NLGN4X: variants seen among roughly 807,000 people sequenced by gnomAD.
The protein encoded by NLGN4X is neuroligin 4 X-linked.
In NLGN4X, 3 loss-of-function variants were observed where a neutral mutation model predicts 40.3. That is an observed-to-expected ratio of 0.07 (90% CI 0.03 to 0.19). NLGN4X has a LOEUF of 0.19. Among genes scored for constraint, NLGN4X ranks in the 10% least tolerant of loss-of-function variants. The probability of loss-of-function intolerance (pLI) is 1.00; values close to 1 mark genes in which losing one functional copy is unlikely to be tolerated. For missense variants in NLGN4X, 382 were observed against 708.3 expected (o/e 0.54, Z 5.23); for synonymous variants, 270 against 306.8 (o/e 0.88, Z 1.25).
chrX:6,158,841 A>G (rs11094995), intron 1 of NLGN4X, among the ~76,000 whole-genome samples: 8,754 of 111,235 alleles, frequency 0.079, 250 homozygotes, highest in East Asian at 0.16. Flanking sequence ...TCCCTCCCCC[A>G]TGTGTCCATG....
intron 3 of NLGN4X, among the ~76,000 whole-genome samples, chrX:5,949,355 A>T (rs2034231758): frequency 8.9e-6 from 1 of 111,917 alleles, no homozygotes; most frequent in Non-Finnish European, 1.9e-5. Flanking sequence ...TCAGAAAAAC[A>T]GACTGCTGTG....
At chrX:6,154,428 A>C (rs1176295758) in intron 1 of NLGN4X, among the ~76,000 whole-genome samples, 1 of 110,944 alleles carries the variant, frequency 9.0e-6, no homozygotes, top group Non-Finnish European at 1.9e-5. Flanking sequence ...GAAGATATCA[A>C]TATTTATTAT....
At chrX:5,944,170 C>T (rs1302441555) in intron 3 of NLGN4X, among the ~76,000 whole-genome samples, 1 of 111,633 alleles carries the variant, frequency 9.0e-6, no homozygotes, top group East Asian at 2.8e-4. Context: ...CAGTAGTATT[C>T]TAAAATTCTT....
At chrX:5,925,158 C>T (rs1213938312) in intron 3 of NLGN4X, among the ~76,000 whole-genome samples, 1 of 111,863 alleles carries the variant, frequency 8.9e-6, no homozygotes, top group Non-Finnish European at 1.9e-5. Flanking sequence ...TTTCTACACT[C>T]ATCAACCACA....
At chrX:6,222,183 A>G (rs1450158983) in intron 1 of NLGN4X, among the ~76,000 whole-genome samples, 1 of 111,174 alleles carries the variant, frequency 9.0e-6, no homozygotes, top group Non-Finnish European at 1.9e-5. Context: ...CAAAGCATAC[A>G]AACAACCAAA....
At chrX:6,200,460 G>T (rs12557380) in intron 1 of NLGN4X, among the ~76,000 whole-genome samples, 1 of 110,280 alleles carries the variant, frequency 9.1e-6, no homozygotes, top group Non-Finnish European at 1.9e-5. Flanking sequence ...TGGGATGAAG[G>T]TGGAGAAGTG....
chrX:6,036,558 A>G (rs2037009624), intron 2 of NLGN4X, among the ~76,000 whole-genome samples: 1 of 109,825 alleles, frequency 9.1e-6, no homozygotes, highest in African/African-American at 3.3e-5. Context: ...AAGATTCAGG[A>G]AAAACAATTT....
intron 5 of NLGN4X, among the ~76,000 whole-genome samples, chrX:5,898,314 CCCT>C (rs2031638027): frequency 2.0e-5 from 2 of 99,908 alleles, no homozygotes; most frequent in African/African-American, 7.4e-5. Flanking sequence ...CTCCCTCCCT[CCCT>C]CCTTCCCTCC....
chrX:6,051,638 C>T (rs1180457939), intron 2 of NLGN4X, among the ~76,000 whole-genome samples: 1 of 111,157 alleles, frequency 9.0e-6, no homozygotes, highest in Non-Finnish European at 1.9e-5. Context: ...ACCATGCCAA[C>T]ACCTTGATTT....
At chrX:6,135,738 A>T (rs2039802529) in intron 2 of NLGN4X, among the ~76,000 whole-genome samples, 1 of 111,721 alleles carries the variant, frequency 9.0e-6, no homozygotes. Flanking sequence ...AGGATGACAT[A>T]CTAGGAAATG....
intron 3 of NLGN4X, among the ~76,000 whole-genome samples, chrX:5,975,190 A>T (rs1489022309): frequency 8.9e-6 from 1 of 112,262 alleles, no homozygotes; most frequent in African/African-American, 3.2e-5. Flanking sequence ...CAGAAAGTAT[A>T]ACTGAGGACA....
At chrX:5,968,457 C>CTCTCTG (rs1192942244) in intron 3 of NLGN4X, among the ~76,000 whole-genome samples, 1,106 of 46,656 alleles carry the variant, frequency 0.024, 35 homozygotes, top group Non-Finnish European at 0.031. Context: ...CTCTCTCTCT[C>CTCTCTG]TGTGTGTGTG....
chrX:6,013,479 C>G (rs193126970), intron 3 of NLGN4X, among the ~76,000 whole-genome samples: 1 of 111,080 alleles, frequency 9.0e-6, no homozygotes, highest in East Asian at 2.8e-4. Flanking sequence ...AGTCAAAAAC[C>G]CTGCAACGGC....
Position 5,893,000 on chromosome X carries a change from G to A in NLGN4X, c.2268C>T (p.Cys756=). The change falls in exon 6 of 6, where the codon TGC becomes TGT. Residue 756 remains cysteine, a synonymous_variant. Transcript: ENST00000381095. ...GCAGCGTGAGGGTGTAGTCTGGCGG[G>A]CAGGTGAGCCTCAGTGTGTCGTGTG... ...LQAHDTLRLT[C]PPDYTLTLRR... The A allele has an allele frequency of 8.3e-7, 1 of 1,211,562 alleles. No homozygotes were observed. The highest frequency in any genetic ancestry group is 1.1e-6 in the Non-Finnish European group (1 of 895,492).
chrX:6,197,413 C>T (rs1292005424), intron 1 of NLGN4X, among the ~76,000 whole-genome samples: 1 of 107,967 alleles, frequency 9.3e-6, no homozygotes, highest in Non-Finnish European at 1.9e-5. Flanking sequence ...AGGCATGCAC[C>T]ACCATGCTCA....
chrX:5,998,726 G>T (rs5961396), intron 3 of NLGN4X, among the ~76,000 whole-genome samples: 26,398 of 111,656 alleles, frequency 0.24, 2,452 homozygotes, highest in African/African-American at 0.36. Context: ...GGAAAAAAAA[G>T]AGGAAAAAAA....
intron 1 of NLGN4X, among the ~76,000 whole-genome samples, chrX:6,225,025 CAT>C (rs1205471689): frequency 0.015 from 679 of 46,439 alleles, 4 homozygotes; most frequent in African/African-American, 0.019. Flanking sequence ...CACACACACA[CAT>C]ATATGTAGAA....
At chrX:5,952,308 G>A (rs1421947800) in intron 3 of NLGN4X, among the ~76,000 whole-genome samples, 2 of 111,938 alleles carry the variant, frequency 1.8e-5, no homozygotes, top group Admixed American at 9.5e-5. Context: ...ATTTCCAAAC[G>A]GGATAAACAA....
chrX:6,227,468 C>T (rs777335291), intron 1 of NLGN4X, among the ~76,000 whole-genome samples: 34 of 109,384 alleles, frequency 3.1e-4, no homozygotes, highest in African/African-American at 1.1e-3. Flanking sequence ...TTCGGAAAAG[C>T]GGGCAGTTCA....
Sources: allele counts gnomAD v4.1 joint callset (sites outside exome capture counted in the v4.1 genomes callset), GRCh38; gene constraint gnomAD v4.1.1; transcripts MANE v1.5; gene names NCBI Gene and HGNC (gene_info 2026-07-23, HGNC 2026-07-21).